Variants in VPS13B observed in about 807,000 individuals in gnomAD.
VPS13B encodes the protein intermembrane lipid transfer protein VPS13B.
Under a neutral mutation model 426.4 loss-of-function variants are expected in VPS13B, and 285 were observed. The ratio of observed to expected loss-of-function variants is 0.67; its 90% CI spans 0.61 to 0.74. VPS13B has a LOEUF of 0.74. Among genes scored for constraint, VPS13B ranks in the 30% least tolerant of loss-of-function variants. VPS13B has a pLI of 0.00. For missense variants in VPS13B, 4,537 were observed against 4,782.6 expected, an observed-to-expected ratio of 0.95 and a Z score of 1.51; for synonymous variants, 1,676 against 1,676.4, an observed-to-expected ratio of 1.00 and a Z score of 0.01.
At chr8:99,727,986 C>T (rs1833419986) in intron 39 of VPS13B, among the ~76,000 whole-genome samples, 1 of 152,194 alleles carries the variant, frequency 6.6e-6, no homozygotes, top group Admixed American at 6.5e-5. Context: ...ACCTAAATAT[C>T]CTTCTAATAG....
intron 19 of VPS13B, among the ~76,000 whole-genome samples, chr8:99,327,896 A>G (rs893207096): frequency 2.6e-5 from 4 of 152,186 alleles, no homozygotes; most frequent in Admixed American, 6.6e-5. Flanking sequence ...ATATTCTCAA[A>G]CAATACACAA....
intron 31 of VPS13B, among the ~76,000 whole-genome samples, chr8:99,564,847 T>C (rs893914722): frequency 6.6e-6 from 1 of 152,118 alleles, no homozygotes; most frequent in Non-Finnish European, 1.5e-5. Flanking sequence ...CTCTTACTAG[T>C]CAACTACTTT....
chr8:99,481,795 C>T lies in VPS13B; in HGVS notation c.3863C>T (p.Thr1288Ile). 1 of 1,613,722 alleles carries T rather than the reference C, an allele frequency of 6.2e-7. No individual in the cohort carries two copies. The highest frequency in any genetic ancestry group is 1.1e-5 in the South Asian group (1 of 91,066). The change falls in exon 25 of 62, where the codon ACT (threonine) becomes ATT (isoleucine). Residue 1288 changes from threonine (T) to isoleucine (I), a missense_variant. By Grantham distance (89) the Thr-to-Ile change is moderately conservative. Transcript: ENST00000357162. ...TCSPSADIGT[T>I]TEGDSIQAGE... ...AGCCCATCTGCTGACATTGGGACTACTACTGAGGTAAGTGTTTTTGAAAAT... is the reference window on the plus strand; with the variant it reads ...AGCCCATCTGCTGACATTGGGACTATTACTGAGGTAAGTGTTTTTGAAAAT...
rs560094846 is a variant in VPS13B, at chr8:99,061,631, A to G, written c.291+23065A>G. On this transcript the variant is annotated intron_variant, in intron 3 of 61. Coordinates refer to ENST00000357162, the MANE Select transcript of VPS13B (RefSeq NM_152564.5). ...ATTTTCTCTTCATTATTAATTAACC[A>G]TACTTTATTTTTTAGTAATTGCTCT... Among the ~76,000 whole-genome samples the G allele has an allele frequency of 2.0e-5, 3 of 152,184 alleles. No homozygotes were observed. The South Asian group carries it at 6.2e-4, about 32-fold the overall frequency.
At chr8:99,673,586 G>A (rs1830804977) in intron 35 of VPS13B, among the ~76,000 whole-genome samples, 1 of 151,680 alleles carries the variant, frequency 6.6e-6, no homozygotes, top group Admixed American at 6.6e-5. Flanking sequence ...TATTTTTGTA[G>A]TCTCTATTTC....
chr8:99,228,121 T>C (rs904925499), intron 17 of VPS13B, among the ~76,000 whole-genome samples: 7 of 152,174 alleles, frequency 4.6e-5, no homozygotes, highest in African/African-American at 1.7e-4. Context: ...CATTTTAACA[T>C]ACTGAATTTA....
At chr8:99,273,435 G>A (rs1233385983) in intron 17 of VPS13B, among the ~76,000 whole-genome samples, 1 of 151,872 alleles carries the variant, frequency 6.6e-6, no homozygotes, top group African/African-American at 2.4e-5. Context: ...CAAAGTGCTG[G>A]GATTACAGGC....
chr8:99,508,206 T>A (rs1329337999), intron 28 of VPS13B, among the ~76,000 whole-genome samples: 1 of 152,214 alleles, frequency 6.6e-6, no homozygotes, highest in East Asian at 1.9e-4. Flanking sequence ...TGACCAATAC[T>A]GCTTTTGTCA....
intron 23 of VPS13B, among the ~76,000 whole-genome samples, chr8:99,454,589 A>G (rs1313641165): frequency 6.6e-6 from 1 of 152,200 alleles, no homozygotes; most frequent in South Asian, 2.1e-4. Context: ...TAAAGCCGCT[A>G]TATACCTCCA....
At chr8:99,536,977 GTAAT>G in intron 30 of VPS13B, 1 of 352,200 alleles carries the variant, frequency 2.8e-6, no homozygotes, top group Non-Finnish European at 5.6e-6. Flanking sequence ...ATACAGAAAA[GTAAT>G]TAATATCTTG....
At chr8:99,545,746 G>T (rs559268579) in intron 30 of VPS13B, among the ~76,000 whole-genome samples, 163 of 152,158 alleles carry the variant, frequency 1.1e-3, no homozygotes, top group Non-Finnish European at 1.9e-3. Context: ...GATATTTGTG[G>T]ATGATGTTTA....
intron 39 of VPS13B, among the ~76,000 whole-genome samples, chr8:99,725,704 T>C (rs1387507255): frequency 6.6e-6 from 1 of 152,226 alleles, no homozygotes; most frequent in Non-Finnish European, 1.5e-5. Context: ...TTACATTATA[T>C]ATCACTATTT....
chr8:99,436,806 T>G (rs1817402948), intron 22 of VPS13B, among the ~76,000 whole-genome samples: 1 of 151,990 alleles, frequency 6.6e-6, no homozygotes, highest in African/African-American at 2.4e-5. Context: ...TGGTGTGATC[T>G]CGGCTCACTG....
chr8:99,174,283 A>G (rs1362889087), intron 16 of VPS13B, among the ~76,000 whole-genome samples: 1 of 152,184 alleles, frequency 6.6e-6, no homozygotes, highest in African/African-American at 2.4e-5. Flanking sequence ...TGCTGTGAAC[A>G]TGCATGTACA....
At chr8:99,521,084 G>C (rs1822360189) in intron 30 of VPS13B, 74 bp downstream of exon 30, 1 of 1,174,812 alleles carries the variant, frequency 8.5e-7, no homozygotes, top group Non-Finnish European at 1.3e-6. Context: ...CAATAACTTA[G>C]TGTGGCCTGT....
intron 6 of VPS13B, among the ~76,000 whole-genome samples, chr8:99,115,151 A>G (rs1217577368): frequency 6.6e-6 from 1 of 152,064 alleles, no homozygotes; most frequent in Non-Finnish European, 1.5e-5. Flanking sequence ...TTGTTTTTCC[A>G]TATTTGACAA....
At chr8:99,775,939 T>C (rs894614975) in intron 40 of VPS13B, among the ~76,000 whole-genome samples, 1 of 151,864 alleles carries the variant, frequency 6.6e-6, no homozygotes, top group Non-Finnish European at 1.5e-5. Flanking sequence ...TATAAAATAG[T>C]GTTAAGAGGA....
intron 7 of VPS13B, 22 bp downstream of exon 7, chr8:99,115,896 C>G (rs1563549212): frequency 6.2e-7 from 1 of 1,606,000 alleles, no homozygotes; most frequent in African/African-American, 1.3e-5. Flanking sequence ...CTTTATTAAA[C>G]AAAAACTTTA....
At chr8:99,543,616 G>T (rs1449802484) in intron 30 of VPS13B, among the ~76,000 whole-genome samples, 6 of 150,884 alleles carry the variant, frequency 4.0e-5, no homozygotes, top group Non-Finnish European at 7.4e-5. Context: ...AAATTTACAA[G>T]AAAAAAACAA....
Sources: allele counts gnomAD v4.1 joint callset (sites outside exome capture counted in the v4.1 genomes callset), GRCh38; gene constraint gnomAD v4.1.1; transcripts MANE v1.5; gene names NCBI Gene and HGNC (gene_info 2026-07-23, HGNC 2026-07-21).